Variants in C16orf95 observed in about 807,000 individuals in gnomAD.
C16orf95 encodes the protein uncharacterized protein C16orf95.
In C16orf95, 41 loss-of-function variants were observed where a neutral mutation model predicts 32.1. The observed-to-expected ratio is 1.28, with a 90% CI of 1.00 to 1.66. The LOEUF (loss-of-function observed/expected upper bound fraction) is 1.66. Among genes scored for constraint, C16orf95 ranks in the 40% most tolerant of loss-of-function variants. The pLI, the probability that C16orf95 is intolerant of heterozygous loss-of-function variation, is 0.00. For missense variants in C16orf95, 399 were observed against 325.9 expected (o/e 1.22, Z -1.73); for synonymous variants, 147 against 128.9 (o/e 1.14, Z -0.95).
At position 87,317,256 on chromosome 16, in the gene C16orf95, G is replaced by T. The variant is rs1283487662; in HGVS notation, c.-14C>A. The T allele has an allele frequency of 6.6e-7, 1 of 1,513,004 alleles. No individual in the cohort carries two copies. Among genetic ancestry groups the T allele is most frequent in the Non-Finnish European group, 8.8e-7 (1 of 1,134,442 alleles). The allele number at this position is 1,513,004 out of a possible 1,614,324, so 93.7% of individuals were successfully genotyped here. ...GCTCGCACGCATATGGCTTCTTATG[G>T]CTGACGCGCCCTTTCACACACACAT... is the stretch of plus-strand genomic sequence containing the variant. On this transcript the variant is annotated 5_prime_UTR_variant, in exon 1 of 7. Coordinates refer to ENST00000567970, the MANE Select transcript of C16orf95 (RefSeq NM_001195124.3).
chr16:87,313,675 A>C (rs1317543246), intron 3 of C16orf95, among the ~76,000 whole-genome samples: 1 of 152,126 alleles, frequency 6.6e-6, no homozygotes, highest in East Asian at 1.9e-4. Context: ...TCAAGTTTGT[A>C]GTGAGCCATG....
intron 3 of C16orf95, 78 bp from the exon 4 acceptor site, chr16:87,311,374 A>T (rs1159335219): frequency 7.2e-7 from 1 of 1,398,222 alleles, no homozygotes; most frequent in African/African-American, 1.4e-5. Flanking sequence ...TGATGGAGCC[A>T]TCCCCCAGAA....
chr16:87,307,254 T>A (rs1911069555), intron 5 of C16orf95, among the ~76,000 whole-genome samples: 1 of 152,164 alleles, frequency 6.6e-6, no homozygotes, highest in Non-Finnish European at 1.5e-5. Context: ...AGATCAAGTC[T>A]AGCCTACTCC....
intron 3 of C16orf95, among the ~76,000 whole-genome samples, 157 bp from the exon 4 acceptor site, chr16:87,311,453 A>G (rs968725546): frequency 2.0e-5 from 3 of 152,182 alleles, no homozygotes; most frequent in South Asian, 2.1e-4. Flanking sequence ...AGCACACCCA[A>G]CCACTCCAGA....
At chr16:87,306,427 T>A (rs1911034580) in intron 5 of C16orf95, among the ~76,000 whole-genome samples, 1 of 152,214 alleles carries the variant, frequency 6.6e-6, no homozygotes, top group Non-Finnish European at 1.5e-5. Context: ...CAGCATGTGA[T>A]CCTCTGGATA....
At chr16:87,315,219 C>T in intron 2 of C16orf95, 123 bp from the exon 3 acceptor site, 2 of 1,008,540 alleles carry the variant, frequency 2.0e-6, no homozygotes, top group Non-Finnish European at 2.8e-6. Flanking sequence ...GTCCCCAGCT[C>T]CTACTGCAGC....
chr16:87,310,603 G>A (rs1039500513), intron 4 of C16orf95, among the ~76,000 whole-genome samples: 2 of 152,216 alleles, frequency 1.3e-5, no homozygotes. Context: ...GAGGCCCAGG[G>A]GGCTAGGAAG....
rs1443450094 is a variant in C16orf95 at position 87,311,241 on chromosome 16, A to G, written c.386T>C (p.Leu129Pro). 1 of 1,535,840 alleles carries G rather than the reference A, an allele frequency of 6.5e-7. No individual in the cohort carries two copies. The stretch of plus-strand genomic sequence containing the variant: ...GAGGCGGCCCCCAAAGCGGTGGCAT[A>G]GGCAGGGGCACATCTTGGCGGTTTG... ...IPQTAKMCPC[L>P]CHRFGGRLPM... Residue 129 changes from leucine to proline, a missense_variant, in exon 4 of 7, where the codon CTA becomes CCA. By Grantham distance (98) the Leu-to-Pro change is moderately conservative. Coordinates refer to ENST00000567970, the MANE Select transcript of C16orf95 (RefSeq NM_001195124.3).
At chr16:87,307,348 G>C (rs536599046) in intron 5 of C16orf95, among the ~76,000 whole-genome samples, 1 of 152,210 alleles carries the variant, frequency 6.6e-6, no homozygotes, top group African/African-American at 2.4e-5. Context: ...ATACACATAT[G>C]TGCCAGGTCA....
Position 87,317,186 on chromosome 16 carries a change from G to A in C16orf95, c.57C>T (p.Ala19=), listed in dbSNP as rs1159983731. The part of the protein sequence containing the change: ...SPRRCHHHHE[A]TGAASGAAAG... ...CAGCAGCGCCTGAGGCTGCTCCAGT[G>A]GCCTCATGATGATGGTGACAACGCC... is the stretch of plus-strand genomic sequence containing the variant. Residue 19 remains alanine (A), a synonymous_variant, in exon 1 of 7, where the codon GCC becomes GCT. Transcript: ENST00000567970. 2 of 1,530,078 alleles carry A rather than the reference G, an allele frequency of 1.3e-6. No individual in the cohort carries two copies. The highest frequency in any genetic ancestry group is 1.7e-6 in the Non-Finnish European group (2 of 1,144,484). The allele number at this position is 1,530,078 out of a possible 1,614,324, so 94.8% of individuals were successfully genotyped here.
At chr16:87,316,591 C>T (rs1052269595) in intron 1 of C16orf95, among the ~76,000 whole-genome samples, 2 of 152,148 alleles carry the variant, frequency 1.3e-5, no homozygotes, top group Non-Finnish European at 1.5e-5. Flanking sequence ...GGGCACTGCC[C>T]TCCACAGCAT....
At position 87,305,974 on chromosome 16, in the gene C16orf95, G is replaced by C; in HGVS notation, c.515-69C>G. On this transcript the variant is annotated intron_variant, in intron 5 of 6. Coordinates refer to ENST00000567970, the MANE Select transcript of C16orf95 (RefSeq NM_001195124.3). The surrounding 1 kb of genome is among the most constrained non-coding windows in gnomAD (Gnocchi z 4.2). ...GGACTCTGTGAGCCACGAGGAGGCT[G>C]CAACACCAGCCCCAGAGCCTCCGGG... The C allele has an allele frequency of 8.2e-7, 1 of 1,226,740 alleles. No individual in the cohort carries two copies. Among genetic ancestry groups the C allele is most frequent in the Admixed American group, 3.7e-5 (1 of 26,694 alleles). 76.0% of individuals were successfully genotyped at this position (1,226,740 alleles called of 1,614,324 possible). A position where few individuals can be genotyped will look rare whatever the true frequency, so the allele number is the denominator to read the frequency against.
chr16:87,315,600 G>C (rs369857558), intron 2 of C16orf95, among the ~76,000 whole-genome samples, 172 bp downstream of exon 2: 1 of 152,240 alleles, frequency 6.6e-6, no homozygotes, highest in Admixed American at 6.5e-5. Context: ...CTGAGGTGTT[G>C]TGAGGGCCTG....
intron 3 of C16orf95, among the ~76,000 whole-genome samples, chr16:87,314,423 A>G (rs1904302068): frequency 6.6e-6 from 1 of 152,254 alleles, no homozygotes; most frequent in Admixed American, 6.5e-5. Flanking sequence ...TACAAAGTCT[A>G]TGACCCCATT....
rs368517062 is a variant in C16orf95 at position 87,311,321 on chromosome 16, G to C, written c.331-25C>G. On this transcript the variant is annotated intron_variant, in intron 3 of 6. Transcript: ENST00000567970. ...TCTAACAGAGAGGATGGGAGGAGAAGATTCAGAAGGGGATGGAGCCATGCC... is the reference window on the plus strand; with the variant it reads ...TCTAACAGAGAGGATGGGAGGAGAACATTCAGAAGGGGATGGAGCCATGCC... The C allele has an allele frequency of 7.3e-6, 11 of 1,510,746 alleles. No homozygotes were observed. The African/African-American group carries it at 1.5e-4, about 21-fold the overall frequency. The allele number at this position is 1,510,746 out of a possible 1,614,324, so 93.6% of individuals were successfully genotyped here.
chr16:87,302,916 A>G lies in C16orf95; in HGVS notation c.*141T>C. The G allele has an allele frequency of 1.2e-6, 1 of 857,724 alleles. No homozygotes were observed. The highest frequency in any genetic ancestry group is 1.7e-5 in the African/African-American group (1 of 60,008). The allele number at this position is 857,724 out of a possible 1,614,324, so 53.1% of individuals were successfully genotyped here. ...ACCAAGAATCACCTGATGAGAAATC[A>G]TTTGGGTTGAATCCTGGGTGTGGAT... On this transcript the variant is annotated 3_prime_UTR_variant, in exon 7 of 7. Coordinates refer to ENST00000567970, the MANE Select transcript of C16orf95 (RefSeq NM_001195124.3).
intron 1 of C16orf95, 27 bp downstream of exon 1, chr16:87,317,064 C>T (rs963130434): frequency 8.1e-6 from 12 of 1,482,320 alleles, no homozygotes; most frequent in African/African-American, 4.2e-5. Context: ...GTCGGGTAGC[C>T]GCGGGCAGGA....
chr16:87,308,229 T>A (rs1436932729), intron 5 of C16orf95, among the ~76,000 whole-genome samples: 2 of 152,128 alleles, frequency 1.3e-5, no homozygotes, highest in Non-Finnish European at 2.9e-5. Flanking sequence ...ACGCCTGTAA[T>A]CCCAGCACTT....
At chr16:87,304,073 G>A (rs1248972553) in intron 6 of C16orf95, among the ~76,000 whole-genome samples, 1 of 152,016 alleles carries the variant, frequency 6.6e-6, no homozygotes, top group Non-Finnish European at 1.5e-5. Context: ...AGGCTGGAGT[G>A]CACTGGCACA....
Sources: allele counts gnomAD v4.1 joint callset (sites outside exome capture counted in the v4.1 genomes callset), GRCh38; gene constraint gnomAD v4.1.1; non-coding constraint Gnocchi (gnomAD v3.1); transcripts MANE v1.5; gene names NCBI Gene and HGNC (gene_info 2026-07-23, HGNC 2026-07-21).